The following GALNT13 variants were observed in gnomAD, a reference collection of about 807,000 sequenced individuals.
GALNT13 encodes polypeptide N-acetylgalactosaminyltransferase 13, also known as UDP-GalNAc:polypeptide N-acetylgalactosaminyltransferase 13.
Under a neutral mutation model 64.2 loss-of-function variants are expected in GALNT13, and 28 were observed. The observed-to-expected ratio is 0.44, with a 90% CI of 0.32 to 0.60. The LOEUF (loss-of-function observed/expected upper bound fraction) is 0.60, where lower values mean the gene tolerates loss of function less well. Among genes scored for constraint, GALNT13 ranks in the 20% least tolerant of loss-of-function variants. GALNT13 has a pLI of 0.05. For synonymous variants in GALNT13, 214 were observed against 224.6 expected, an observed-to-expected ratio of 0.95 and a Z score of 0.42; for missense variants, 577 against 669.8, an observed-to-expected ratio of 0.86 and a Z score of 1.53.
At chr2:154,305,054 A>G (rs1693654688) in intron 9 of GALNT13, among the ~76,000 whole-genome samples, 1 of 152,336 alleles carries the variant, frequency 6.6e-6, no homozygotes, top group African/African-American at 2.4e-5. Context: ...TGGATGTCTA[A>G]AACAATTTGA....
chr2:153,924,996 T>A (rs866675399), intron 2 of GALNT13, among the ~76,000 whole-genome samples: 1 of 152,220 alleles, frequency 6.6e-6, no homozygotes, highest in Non-Finnish European at 1.5e-5. Flanking sequence ...TTTGTCCCAT[T>A]CTGTAGGTTA....
intron 4 of GALNT13, among the ~76,000 whole-genome samples, chr2:154,226,528 C>T (rs1354066506): frequency 6.6e-6 from 1 of 152,046 alleles, no homozygotes; most frequent in Admixed American, 6.6e-5. Flanking sequence ...TTCTTTAAAA[C>T]TGTGCATGGA....
At chr2:154,264,407 G>C (rs1485661146) in intron 8 of GALNT13, among the ~76,000 whole-genome samples, 1 of 150,654 alleles carries the variant, frequency 6.6e-6, no homozygotes, top group Non-Finnish European at 1.5e-5. Context: ...GATCACCTGA[G>C]GTTAGGAGTT....
At chr2:153,861,647 A>G in the GALNT13 span, among the ~76,000 whole-genome samples, 1 of 146,858 alleles carries the variant, frequency 6.8e-6, no homozygotes, top group Non-Finnish European at 1.5e-5. Context: ...GCTCATCGCA[A>G]CCTCTGCCTC....
intron 8 of GALNT13, among the ~76,000 whole-genome samples, chr2:154,289,862 C>T (rs72855816): frequency 6.6e-6 from 1 of 152,206 alleles, no homozygotes; most frequent in Non-Finnish European, 1.5e-5. Flanking sequence ...TTATTCTGTC[C>T]TTCACCAAGG....
At chr2:154,279,528 T>G (rs541512828) in intron 8 of GALNT13, among the ~76,000 whole-genome samples, 1 of 152,258 alleles carries the variant, frequency 6.6e-6, no homozygotes, top group Admixed American at 6.5e-5. Flanking sequence ...AATCACAGCT[T>G]CTTCAACAAG....
chr2:153,353,306 C>A, the GALNT13 span, among the ~76,000 whole-genome samples: 1 of 152,150 alleles, frequency 6.6e-6, no homozygotes, highest in Admixed American at 6.5e-5. Flanking sequence ...GTCTTGCATT[C>A]TGCAACCTTG....
At chr2:153,501,864 A>G in the GALNT13 span, among the ~76,000 whole-genome samples, 3 of 152,250 alleles carry the variant, frequency 2.0e-5, no homozygotes, top group South Asian at 6.2e-4. Context: ...TAACCATAGC[A>G]CTCCTTTTAA....
the GALNT13 span, among the ~76,000 whole-genome samples, chr2:153,208,489 A>AT: frequency 4.0e-3 from 599 of 151,428 alleles, 9 homozygotes; most frequent in East Asian, 0.039. Context: ...ATGTTAGTGG[A>AT]TTTTTTTTTC....
intron 3 of GALNT13, among the ~76,000 whole-genome samples, chr2:154,000,229 G>T (rs1695809773): frequency 6.6e-6 from 1 of 151,110 alleles, no homozygotes; most frequent in African/African-American, 2.4e-5. Flanking sequence ...TTTTAGTCTA[G>T]CTAAAATTGT....
the GALNT13 span, among the ~76,000 whole-genome samples, chr2:153,434,232 T>A: frequency 1.3e-5 from 2 of 152,202 alleles, no homozygotes; most frequent in African/African-American, 4.8e-5. Flanking sequence ...TCTATCATTG[T>A]TGGACATTTG....
At chr2:154,082,841 T>C (rs577063153) in intron 3 of GALNT13, among the ~76,000 whole-genome samples, 88 of 152,196 alleles carry the variant, frequency 5.8e-4, no homozygotes, top group Non-Finnish European at 1.1e-3. Flanking sequence ...ATTGCAAAAA[T>C]TTCCTCCTAT....
chr2:153,354,048 G>A, the GALNT13 span, among the ~76,000 whole-genome samples: 1 of 152,080 alleles, frequency 6.6e-6, no homozygotes, highest in African/African-American at 2.4e-5. Flanking sequence ...GTTTTGGAAG[G>A]CTATTAGTGA....
the GALNT13 span, among the ~76,000 whole-genome samples, chr2:153,221,855 A>T: frequency 6.6e-6 from 1 of 152,166 alleles, no homozygotes; most frequent in Non-Finnish European, 1.5e-5. Context: ...CTGCATCTGG[A>T]TGAAGGGAAT....
At chr2:154,438,560 ATTTT>A in intron 11 of GALNT13, 28 bp from the exon 12 acceptor site, 1 of 1,549,646 alleles carries the variant, frequency 6.5e-7, no homozygotes, top group Non-Finnish European at 8.9e-7. Flanking sequence ...TAAAACATAC[ATTTT>A]TTTTATTAGC....
intron 3 of GALNT13, among the ~76,000 whole-genome samples, chr2:154,096,249 T>G (rs1014459870): frequency 1.3e-5 from 2 of 151,982 alleles, no homozygotes; most frequent in African/African-American, 4.8e-5. Flanking sequence ...CCATTACTGG[T>G]ATTTGGTATT....
At chr2:153,068,351 C>A in the GALNT13 span, among the ~76,000 whole-genome samples, 5 of 152,164 alleles carry the variant, frequency 3.3e-5, no homozygotes, top group Admixed American at 3.3e-4. Context: ...TGCTTTCAGA[C>A]CCAGAACTCG....
At chr2:153,213,024 C>T in the GALNT13 span, among the ~76,000 whole-genome samples, 5 of 152,198 alleles carry the variant, frequency 3.3e-5, no homozygotes, top group Non-Finnish European at 7.3e-5. Flanking sequence ...TGAACACTGC[C>T]TAATGAAATG....
chr2:153,989,986 T>C (rs1053851544), intron 3 of GALNT13, among the ~76,000 whole-genome samples: 6 of 152,102 alleles, frequency 3.9e-5, no homozygotes, highest in Admixed American at 2.0e-4. Flanking sequence ...AATATGTTGG[T>C]TGAAATAGAA....
Sources: gnomAD v4.1 joint callset for allele counts (sites outside exome capture counted in the v4.1 genomes callset) on GRCh38, gnomAD v4.1.1 for gene constraint, MANE v1.5 for transcripts, NCBI Gene and HGNC (gene_info 2026-07-23, HGNC 2026-07-21) for gene names.